The following PDK3 variants were observed in gnomAD, a reference collection of about 807,000 sequenced individuals.
PDK3 encodes the protein pyruvate dehydrogenase kinase, isozyme 3.
A neutral mutation model predicts 32.0 loss-of-function variants in PDK3; 12 were observed. That is an observed-to-expected ratio of 0.37 (90% confidence interval 0.24 to 0.61). The LOEUF (loss-of-function observed/expected upper bound fraction) is 0.61. PDK3 is among the 20% of genes least tolerant of loss of function. The pLI, the probability that PDK3 is intolerant of heterozygous loss-of-function variation, is 0.65. For missense variants in PDK3, 188 were observed against 316.9 expected, an observed-to-expected ratio of 0.59 and a Z score of 3.09; for synonymous variants, 122 against 116.3, an observed-to-expected ratio of 1.05 and a Z score of -0.31.
intron 1 of PDK3, among the ~76,000 whole-genome samples, chrX:24,489,916 G>A (rs896128176): frequency 9.1e-6 from 1 of 110,206 alleles, no homozygotes; most frequent in African/African-American, 3.3e-5. Flanking sequence ...CTGAAATTTG[G>A]TTCTCTTAGA....
chrX:24,547,924 A>G (rs1045209385), exon 12 of PDK3: 1 of 113,212 alleles, frequency 8.8e-6, no homozygotes, highest in Non-Finnish European at 1.9e-5. Context: ...GTAAAACATA[A>G]GAGTTTAGAC....
In PDK3 at chrX:24,484,807, G is replaced by A. The variant is rs147046635; in HGVS notation, c.107-9935G>A. On this transcript the variant is annotated intron_variant, in intron 1 of 10. Coordinates refer to ENST00000379162, the MANE Select transcript of PDK3 (RefSeq NM_005391.5). ...GAAGATTTTTATGAGTTACTTTGCC[G>A]TATTTGCTTTATTTTTCCCTCTCCA... Among the ~76,000 whole-genome samples the A allele has an allele frequency of 8.8e-3, 973 of 110,241 alleles. 13 individuals are homozygous for A. Among genetic ancestry groups the A allele is most frequent in the African/African-American group, 0.03 (919 of 30,192 alleles).
intron 5 of PDK3, among the ~76,000 whole-genome samples, chrX:24,508,493 C>A (rs778161089): frequency 9.0e-6 from 1 of 111,412 alleles, no homozygotes; most frequent in African/African-American, 3.3e-5. Context: ...AGAACCAGTA[C>A]AACTAGATAA....
intron 5 of PDK3, among the ~76,000 whole-genome samples, chrX:24,516,071 ATAGTCTGAACATACCC>A (rs1270428859): frequency 8.9e-6 from 1 of 112,011 alleles, no homozygotes; most frequent in Non-Finnish European, 1.9e-5. Context: ...ACTAAAATTT[ATAGTCTGAACATACCC>A]TAATCTTATC....
chrX:24,488,709 A>G (rs747363787), intron 1 of PDK3, among the ~76,000 whole-genome samples: 1 of 111,861 alleles, frequency 8.9e-6, no homozygotes, highest in Admixed American at 9.5e-5. Flanking sequence ...AAACAAACAA[A>G]CAAACCAGAA....
intron 10 of PDK3, among the ~76,000 whole-genome samples, chrX:24,532,272 G>GA (rs1255892302): frequency 1.1e-3 from 115 of 102,011 alleles, no homozygotes; most frequent in African/African-American, 3.8e-3. Flanking sequence ...TCTCAAAAGA[G>GA]AAAAAAAAAA....
chrX:24,488,957 T>C (rs1333556440), intron 1 of PDK3, among the ~76,000 whole-genome samples: 1 of 111,990 alleles, frequency 8.9e-6, no homozygotes, highest in Non-Finnish European at 1.9e-5. Context: ...TTAAGGAATG[T>C]AGAGAAGCCA....
chrX:24,536,757 A>G (rs1440810603), downstream of PDK3, among the ~76,000 whole-genome samples: 1 of 110,855 alleles, frequency 9.0e-6, no homozygotes, highest in Non-Finnish European at 1.9e-5. Context: ...ACTCCTTTCT[A>G]GTCAAACAGT....
chrX:24,496,568 C>CTTTTTTTTT lies in PDK3; in HGVS notation c.248+1700_248+1708dup, dbSNP rs763095558. On this transcript the variant is annotated intron_variant, in intron 2 of 10. Transcript: ENST00000379162. The stretch of plus-strand genomic sequence containing the variant: ...CTAATTGTCCTGATACTACCCCCAT[C>CTTTTTTTTT]TTTTTTTTTTTTTTTTTTTTTTTGC... Among the ~76,000 whole-genome samples, 41 of 39,316 alleles carry CTTTTTTTTT rather than the reference C, an allele frequency of 1.0e-3. 3 individuals are homozygous for CTTTTTTTTT. The highest frequency in any genetic ancestry group is 3.3e-3 in the African/African-American group (30 of 8,995). 34.1% of individuals were successfully genotyped at this position (39,316 alleles called of 115,157 possible). A position where few individuals can be genotyped will look rare whatever the true frequency, so the allele number is the denominator to read the frequency against.
intron 1 of PDK3, among the ~76,000 whole-genome samples, chrX:24,468,518 C>T (rs759324109): frequency 8.9e-6 from 1 of 112,153 alleles, no homozygotes; most frequent in East Asian, 2.8e-4. Context: ...GGGCCTCATA[C>T]TCTGAATTTT....
chrX:24,526,511 T>A (rs891904106), intron 7 of PDK3, among the ~76,000 whole-genome samples: 2 of 112,515 alleles, frequency 1.8e-5, no homozygotes, highest in African/African-American at 6.5e-5. Flanking sequence ...AATTGCACTT[T>A]AGTGATTTTA....
intron 9 of PDK3, among the ~76,000 whole-genome samples, chrX:24,531,084 G>GTGTGT (rs1480709003): frequency 1.1e-5 from 1 of 86,983 alleles, no homozygotes; most frequent in African/African-American, 4.9e-5. Flanking sequence ...TGTGTGTGTG[G>GTGTGT]AGATGGAGTC....
At chrX:24,472,936 C>G (rs1254492790) in intron 1 of PDK3, among the ~76,000 whole-genome samples, 1 of 108,157 alleles carries the variant, frequency 9.2e-6, no homozygotes, top group African/African-American at 3.4e-5. Context: ...ATCTGCCCAC[C>G]TCAGCCTCCC....
At chrX:24,523,556 G>A (rs945081316) in intron 6 of PDK3, among the ~76,000 whole-genome samples, 15 of 112,326 alleles carry the variant, frequency 1.3e-4, no homozygotes, top group African/African-American at 2.6e-4. Context: ...GAAGGCAGAG[G>A]GTAGGGTTAA....
chrX:24,492,366 A>C (rs1238172091), intron 1 of PDK3, among the ~76,000 whole-genome samples: 3 of 110,760 alleles, frequency 2.7e-5, no homozygotes, highest in African/African-American at 9.9e-5. Flanking sequence ...AGGTGGGTGG[A>C]TCACTTGAGG....
exon 12 of PDK3, chrX:24,547,993 A>G: frequency 8.9e-6 from 1 of 112,822 alleles, no homozygotes; most frequent in East Asian, 2.8e-4. Flanking sequence ...AAAGAGATCA[A>G]AATGATTTTA....
At chrX:24,496,651 A>AT in intron 2 of PDK3, among the ~76,000 whole-genome samples, 1 of 86,583 alleles carries the variant, frequency 1.2e-5, no homozygotes. Context: ...TTTCACTGCC[A>AT]TTTTTTCCTT....
chrX:24,472,260 T>A (rs1270831620), intron 1 of PDK3, among the ~76,000 whole-genome samples: 1 of 112,227 alleles, frequency 8.9e-6, no homozygotes, highest in Non-Finnish European at 1.9e-5. Context: ...CCAGGAGACC[T>A]TTGAGCACTT....
At chrX:24,495,495 T>C (rs934150120) in intron 2 of PDK3, among the ~76,000 whole-genome samples, 3 of 112,482 alleles carry the variant, frequency 2.7e-5, no homozygotes, top group Non-Finnish European at 5.6e-5. Flanking sequence ...TTCTCAGATT[T>C]GATAATTTGC....
Sources: allele counts gnomAD v4.1 joint callset (sites outside exome capture counted in the v4.1 genomes callset), GRCh38; gene constraint gnomAD v4.1.1; transcripts MANE v1.5; gene names NCBI Gene and HGNC (gene_info 2026-07-23, HGNC 2026-07-21).